The following CADPS2 variants were observed in gnomAD, a reference collection of about 807,000 sequenced individuals.
The protein encoded by CADPS2 is calcium-dependent secretion activator 2.
Under a neutral mutation model 172.5 loss-of-function variants are expected in CADPS2, and 93 were observed. That is an observed-to-expected ratio of 0.54 (90% confidence interval 0.46 to 0.64). CADPS2 has a LOEUF of 0.64. Among genes scored for constraint, CADPS2 ranks in the 30% least tolerant of loss-of-function variants. The probability of loss-of-function intolerance (pLI) is 0.00; values close to 1 mark genes in which losing one functional copy is unlikely to be tolerated. For missense variants in CADPS2, 1,420 were observed against 1,565.9 expected, an observed-to-expected ratio of 0.91 and a Z score of 1.57; for synonymous variants, 546 against 555.2, an observed-to-expected ratio of 0.98 and a Z score of 0.23.
chr7:122,502,478 A>C (rs1032455683), intron 9 of CADPS2, among the ~76,000 whole-genome samples: 2 of 151,908 alleles, frequency 1.3e-5, no homozygotes, highest in African/African-American at 4.8e-5. Context: ...TAGTTTCTTT[A>C]AAAGTTTTAA....
chr7:122,639,660 C>G (rs10229791), intron 3 of CADPS2, among the ~76,000 whole-genome samples: 2,112 of 152,332 alleles, frequency 0.014, 45 homozygotes, highest in African/African-American at 0.047. Context: ...CCACCTCCCT[C>G]TAGCCAGTCC....
chr7:122,726,496 C>T (rs1234339909), intron 2 of CADPS2, among the ~76,000 whole-genome samples: 8 of 151,870 alleles, frequency 5.3e-5, no homozygotes, highest in Non-Finnish European at 8.8e-5. Context: ...CACAGGTACA[C>T]GTGTTTTCTC....
chr7:122,460,970 C>T (rs2054366178), intron 14 of CADPS2, among the ~76,000 whole-genome samples: 1 of 152,178 alleles, frequency 6.6e-6, no homozygotes, highest in Non-Finnish European at 1.5e-5. Context: ...TGGGACAAGC[C>T]ACACTAATTC....
At chr7:122,791,850 C>T (rs1249270141) in intron 1 of CADPS2, among the ~76,000 whole-genome samples, 1 of 152,166 alleles carries the variant, frequency 6.6e-6, no homozygotes, top group African/African-American at 2.4e-5. Flanking sequence ...ATCTCATCTA[C>T]ATAACCATTA....
At chr7:122,449,121 G>T (rs1363230828) in intron 15 of CADPS2, among the ~76,000 whole-genome samples, 1 of 152,008 alleles carries the variant, frequency 6.6e-6, no homozygotes, top group Non-Finnish European at 1.5e-5. Flanking sequence ...TAAAACAGTT[G>T]GAGGCAGGAT....
At chr7:122,780,964 G>T (rs562524768) in intron 1 of CADPS2, among the ~76,000 whole-genome samples, 1 of 152,196 alleles carries the variant, frequency 6.6e-6, no homozygotes, top group East Asian at 1.9e-4. Context: ...TTCATATGTG[G>T]GAGTGCTGAG....
intron 2 of CADPS2, among the ~76,000 whole-genome samples, chr7:122,732,296 A>G (rs117461769): frequency 0.01 from 1,584 of 151,704 alleles, 23 homozygotes; most frequent in East Asian, 0.059. Context: ...AGTAAACCGA[A>G]TATCTGAAGG....
intron 8 of CADPS2, among the ~76,000 whole-genome samples, chr7:122,543,567 T>A (rs2131682026): frequency 6.6e-6 from 1 of 152,184 alleles, no homozygotes; most frequent in South Asian, 2.1e-4. Context: ...AACAATAAGG[T>A]CCAGCCCACA....
intron 2 of CADPS2, among the ~76,000 whole-genome samples, chr7:122,663,832 C>T (rs1274776203): frequency 6.6e-6 from 1 of 152,082 alleles, no homozygotes; most frequent in Non-Finnish European, 1.5e-5. Flanking sequence ...CTGTATGTCT[C>T]CCACCTCTAC....
intron 8 of CADPS2, among the ~76,000 whole-genome samples, chr7:122,524,012 C>T (rs1165453264): frequency 6.6e-6 from 1 of 152,078 alleles, no homozygotes; most frequent in African/African-American, 2.4e-5. Context: ...CATTTTGCAT[C>T]TCTTGGCAAA....
intron 2 of CADPS2, chr7:122,703,058 T>C (rs1226195392): frequency 3.8e-6 from 1 of 261,344 alleles, no homozygotes; most frequent in Non-Finnish European, 7.2e-6. Context: ...ATTAGTGCAT[T>C]GCATCCTGAA....
intron 19 of CADPS2, among the ~76,000 whole-genome samples, chr7:122,412,567 T>C (rs770608690): frequency 9.9e-5 from 15 of 152,174 alleles, no homozygotes; most frequent in Non-Finnish European, 1.9e-4. Context: ...AATCAACCAT[T>C]TGCAGTGAAC....
At chr7:122,642,458 G>A (rs1252336599) in intron 3 of CADPS2, among the ~76,000 whole-genome samples, 1 of 151,810 alleles carries the variant, frequency 6.6e-6, no homozygotes, top group African/African-American at 2.4e-5. Flanking sequence ...GTCCTAGGGA[G>A]AACTGGAAGC....
chr7:122,741,861 T>C (rs533934024), intron 1 of CADPS2, among the ~76,000 whole-genome samples: 2 of 152,294 alleles, frequency 1.3e-5, no homozygotes, highest in Non-Finnish European at 2.9e-5. Context: ...TTTCATTCTT[T>C]AACACAGCAG....
At chr7:122,656,970 G>T (rs572504454) in intron 3 of CADPS2, among the ~76,000 whole-genome samples, 2 of 151,944 alleles carry the variant, frequency 1.3e-5, no homozygotes, top group South Asian at 2.1e-4. Context: ...TAATCCATCT[G>T]GAATTAATTT....
intron 19 of CADPS2, among the ~76,000 whole-genome samples, chr7:122,411,077 T>C (rs1223941517): frequency 6.6e-6 from 1 of 152,170 alleles, no homozygotes; most frequent in Admixed American, 6.5e-5. Flanking sequence ...TATGGCACAC[T>C]GCCTATCATC....
At chr7:122,354,630 T>C (rs1454610288) in intron 27 of CADPS2, among the ~76,000 whole-genome samples, 1 of 152,174 alleles carries the variant, frequency 6.6e-6, no homozygotes, top group Non-Finnish European at 1.5e-5. Context: ...TTTTGGTTCT[T>C]AGTATTCCTA....
chr7:122,569,199 C>G (rs2066865203), intron 7 of CADPS2, among the ~76,000 whole-genome samples: 1 of 152,110 alleles, frequency 6.6e-6, no homozygotes, highest in Non-Finnish European at 1.5e-5. Context: ...GATACAAAAT[C>G]AATGTGCAAA....
chr7:122,860,609 A>C (rs767788812), intron 1 of CADPS2, among the ~76,000 whole-genome samples: 7 of 152,182 alleles, frequency 4.6e-5, no homozygotes, highest in Non-Finnish European at 8.8e-5. Flanking sequence ...TAAAACATTT[A>C]AGAAAGAAAA....
Sources: gnomAD v4.1 joint callset for allele counts (sites outside exome capture counted in the v4.1 genomes callset) on GRCh38, gnomAD v4.1.1 for gene constraint, MANE v1.5 for transcripts, NCBI Gene and HGNC (gene_info 2026-07-23, HGNC 2026-07-21) for gene names.